MGRN1: variants seen among roughly 807,000 people sequenced by gnomAD.
The protein encoded by MGRN1 is mahogunin ring finger 1.
In MGRN1, 29 loss-of-function variants were observed where a neutral mutation model predicts 69.2. The observed-to-expected ratio is 0.42, with a 90% CI of 0.31 to 0.57. MGRN1 has a LOEUF of 0.57. Ranked by LOEUF, MGRN1 falls within the 20% of genes least tolerant of loss-of-function variation. The pLI, the probability that MGRN1 is intolerant of heterozygous loss-of-function variation, is 0.15. For synonymous variants in MGRN1, 470 were observed against 344.2 expected (o/e 1.37, Z -4.04); for missense variants, 998 against 796.2 (o/e 1.25, Z -3.05).
In MGRN1 at chr16:4,683,278, C is replaced by T. The variant is rs200074494; in HGVS notation, c.1528+9C>T. ...GTCGTCACCACAGCAAGGTGAGCGCCTCCTTCCATGGGCACAAACCGCATG... is the reference window on the plus strand; with the variant it reads ...GTCGTCACCACAGCAAGGTGAGCGCTTCCTTCCATGGGCACAAACCGCATG... On this transcript the variant is annotated intron_variant, in intron 15 of 16. Coordinates refer to ENST00000262370, the MANE Select transcript of MGRN1 (RefSeq NM_015246.4). The T allele has an allele frequency of 1.9e-4, 312 of 1,613,696 alleles. No homozygotes were observed. In the African/African-American group the frequency reaches 2.5e-3, roughly 13 times the overall value.
intron 5 of MGRN1, among the ~76,000 whole-genome samples, chr16:4,662,549 C>A (rs957878361): frequency 5.3e-5 from 8 of 152,060 alleles, no homozygotes; most frequent in East Asian, 3.9e-4. Flanking sequence ...GTAATACTCA[C>A]AACAACTGTA....
chr16:4,668,448 CATTCACTT>C, intron 8 of MGRN1, 136 bp downstream of exon 8: 2 of 855,290 alleles, frequency 2.3e-6, no homozygotes, highest in African/African-American at 3.4e-5. Flanking sequence ...CACTCATACA[CATTCACTT>C]GCACATATAT....
At chr16:4,633,718 A>G (rs1337000504) in intron 1 of MGRN1, 1 of 149,532 alleles carries the variant, frequency 6.7e-6, no homozygotes, top group Non-Finnish European at 1.5e-5. Context: ...AATAAAAAAA[A>G]TTATTATTAT....
Position 4,688,958 on chromosome 16 carries a change from C to G in MGRN1, c.*50C>G. On this transcript the variant is annotated 3_prime_UTR_variant, in exon 17 of 17. Transcript: ENST00000262370. The stretch of plus-strand genomic sequence containing the variant: ...GAGCCCTCGGCTCCCCAGACTTTGC[C>G]GAGGGGCTGCTCCGGACCCCGTTGT... 6.7e-7 allele frequency: 1 copy of G among 1,501,694 alleles called. No homozygotes were observed. The highest frequency in any genetic ancestry group is 8.9e-7 in the Non-Finnish European group (1 of 1,117,430). 93.0% of individuals were successfully genotyped at this position (1,501,694 alleles called of 1,614,324 possible). A position where few individuals can be genotyped will look rare whatever the true frequency, so the allele number is the denominator to read the frequency against.
chr16:4,679,208 A>AG (rs1216642419), intron 11 of MGRN1, among the ~76,000 whole-genome samples: 1 of 152,230 alleles, frequency 6.6e-6, no homozygotes, highest in Non-Finnish European at 1.5e-5. Flanking sequence ...GGTTTCACCT[A>AG]GGGAGTGATC....
intron 5 of MGRN1, among the ~76,000 whole-genome samples, chr16:4,662,738 T>C (rs893355539): frequency 3.9e-5 from 6 of 152,222 alleles, no homozygotes; most frequent in Non-Finnish European, 8.8e-5. Flanking sequence ...TGGGGACGTG[T>C]GCCCCTGCCC....
intron 8 of MGRN1, among the ~76,000 whole-genome samples, chr16:4,668,751 C>T (rs548143685): frequency 7.7e-6 from 1 of 130,474 alleles, no homozygotes; most frequent in South Asian, 2.4e-4. Flanking sequence ...GATACACACA[C>T]ATATACCCAT....
At chr16:4,672,581 GTT>G (rs1300961556) in intron 9 of MGRN1, 2 of 400,504 alleles carry the variant, frequency 5.0e-6, no homozygotes, top group African/African-American at 2.1e-5. Context: ...GAGAGGGAAT[GTT>G]TTCAGCCGCC....
chr16:4,657,760 T>TG, intron 5 of MGRN1, among the ~76,000 whole-genome samples: 1 of 145,794 alleles, frequency 6.9e-6, no homozygotes, highest in East Asian at 2.0e-4. Context: ...TTTTTTTTTT[T>TG]TTTTTGAGAC....
chr16:4,681,214 G>T, intron 12 of MGRN1: 2 of 333,930 alleles, frequency 6.0e-6, no homozygotes, highest in South Asian at 8.0e-5. Context: ...CCCAGCTCCT[G>T]TCTGTCACTA....
chr16:4,638,580 G>T (rs184787094), intron 1 of MGRN1, among the ~76,000 whole-genome samples: 3 of 152,208 alleles, frequency 2.0e-5, no homozygotes, highest in Non-Finnish European at 4.4e-5. Context: ...GGGTGATACA[G>T]CTGGGTGGGA....
chr16:4,634,402 G>GT (rs530143087), intron 1 of MGRN1: 197 of 152,716 alleles, frequency 1.3e-3, no homozygotes, highest in Middle Eastern at 6.8e-3. Context: ...CCCAGACCCG[G>GT]TGCCGCCTGG....
intron 5 of MGRN1, 140 bp from the exon 6 acceptor site, chr16:4,664,569 T>C (rs1372872053): frequency 1.3e-6 from 1 of 797,516 alleles, no homozygotes; most frequent in African/African-American, 1.7e-5. Flanking sequence ...CCGCCTTCCC[T>C]GCCATCTCGA....
intron 1 of MGRN1, among the ~76,000 whole-genome samples, chr16:4,636,090 C>G (rs187170118): frequency 6.6e-6 from 1 of 152,202 alleles, no homozygotes; most frequent in Admixed American, 6.5e-5. Flanking sequence ...GCATGAGCCA[C>G]TGGGCCTGGC....
chr16:4,650,736 C>T (rs1287335939), intron 2 of MGRN1: 14 of 363,802 alleles, frequency 3.8e-5, no homozygotes, highest in East Asian at 1.3e-4. Context: ...TGAATGGGTG[C>T]GTCTGGGCTG....
intron 1 of MGRN1, among the ~76,000 whole-genome samples, chr16:4,632,364 C>G (rs1415287146): frequency 6.6e-6 from 1 of 151,838 alleles, no homozygotes; most frequent in Admixed American, 6.6e-5. Flanking sequence ...ACGAGTCACA[C>G]TGAGAACATC....
intron 8 of MGRN1, 75 bp downstream of exon 8, chr16:4,668,387 A>G (rs34069734): frequency 0.48 from 709,724 of 1,477,814 alleles, 175,669 homozygotes; most frequent in East Asian, 0.66. Flanking sequence ...GCATACTCAT[A>G]CATAGACACA....
chr16:4,680,409 C>A, intron 12 of MGRN1: 1 of 341,636 alleles, frequency 2.9e-6, no homozygotes, highest in Non-Finnish European at 5.5e-6. Flanking sequence ...GCGGAACTAA[C>A]GTCGCTGCTG....
chr16:4,632,636 C>T (rs865880930), intron 1 of MGRN1, among the ~76,000 whole-genome samples: 6 of 152,100 alleles, frequency 3.9e-5, no homozygotes, highest in Admixed American at 2.6e-4. Context: ...CCTCTTGATC[C>T]GCCCGTCTCG....
Sources: allele counts gnomAD v4.1 joint callset (sites outside exome capture counted in the v4.1 genomes callset), GRCh38; gene constraint gnomAD v4.1.1; transcripts MANE v1.5; gene names NCBI Gene and HGNC (gene_info 2026-07-23, HGNC 2026-07-21).